Variants in TXLNB observed in about 807,000 individuals in gnomAD.
TXLNB encodes the protein taxilin beta.
TXLNB carries 37 observed loss-of-function variants against 57.4 expected under a neutral mutation model. The observed-to-expected ratio is 0.64, with a 90% CI of 0.50 to 0.85. TXLNB has a LOEUF of 0.85. Ranked by LOEUF, TXLNB falls within the 40% of genes least tolerant of loss-of-function variation. The probability of loss-of-function intolerance (pLI) is 0.00; values close to 1 mark genes in which losing one functional copy is unlikely to be tolerated. For synonymous variants in TXLNB, 302 were observed against 309.6 expected, an observed-to-expected ratio of 0.98 and a Z score of 0.26; for missense variants, 848 against 825.6, an observed-to-expected ratio of 1.03 and a Z score of -0.33.
rs752671308 is a variant in TXLNB, at chr6:139,242,877, G to T, written c.1704C>A (p.Gly568=). The part of the protein sequence containing the change: ...PLTPQAEAEG[G]SDAEPPSKAS... The stretch of plus-strand genomic sequence containing the variant: ...CCTTGGAGGGAGGTTCAGCATCACT[G>T]CCTCCTTCGGCTTCAGCCTGAGGAG... The change falls in exon 10 of 10, where the codon GGC becomes GGA. Residue 568 remains glycine (G), a synonymous_variant. Coordinates refer to ENST00000358430, the MANE Select transcript of TXLNB (RefSeq NM_153235.4). 1 of 1,614,022 alleles carries T rather than the reference G, an allele frequency of 6.2e-7. No homozygotes were observed. The highest frequency in any genetic ancestry group is 8.5e-7 in the Non-Finnish European group (1 of 1,180,028).
chr6:139,191,552 A>G, the TXLNB span, among the ~76,000 whole-genome samples: 1 of 152,254 alleles, frequency 6.6e-6, no homozygotes, highest in Non-Finnish European at 1.5e-5. Context: ...TACTAGAGAA[A>G]GTTCTATTGG....
In TXLNB at chr6:139,260,299, C is replaced by T. The variant is rs759781664; in HGVS notation, c.1002+19G>A. ...ACTGAGGTAGACCAGATATGCACAA[C>T]GACTAAAATGATAAATACATATTCC... On this transcript the variant is annotated intron_variant, in intron 6 of 9. Coordinates refer to ENST00000358430, the MANE Select transcript of TXLNB (RefSeq NM_153235.4). The T allele has an allele frequency of 8.7e-6, 14 of 1,613,414 alleles. No homozygotes were observed. Among genetic ancestry groups the T allele is most frequent in the South Asian group, 6.6e-5 (6 of 90,918 alleles).
At chr6:139,297,519 G>T in the TXLNB span, among the ~76,000 whole-genome samples, 13 of 152,176 alleles carry the variant, frequency 8.5e-5, no homozygotes, top group African/African-American at 3.1e-4. Context: ...ACCATGGGCT[G>T]AAAGGAAACA....
chr6:139,291,941 A>G lies in TXLNB; in HGVS notation c.-35T>C, dbSNP rs372141252. ...CTTACCAGAAGGCAAGAAGCTAAGC[A>G]AGAAGAGAGAGGAGAGGAAGGAGGC... On this transcript the variant is annotated 5_prime_UTR_variant, in exon 1 of 10. Coordinates refer to ENST00000358430, the MANE Select transcript of TXLNB (RefSeq NM_153235.4). 6.5e-6 allele frequency: 1 copy of G among 152,690 alleles called. No homozygotes were observed. Among genetic ancestry groups the G allele is most frequent in the East Asian group, 1.9e-4 (1 of 5,200 alleles). 9.5% of individuals were successfully genotyped at this position (152,690 alleles called of 1,614,324 possible).
the TXLNB span, among the ~76,000 whole-genome samples, chr6:139,208,061 G>T: frequency 6.6e-6 from 1 of 152,038 alleles, no homozygotes; most frequent in African/African-American, 2.4e-5. Flanking sequence ...GGATGACAGA[G>T]TGAGACTCAG....
At chr6:139,321,943 T>G in the TXLNB span, among the ~76,000 whole-genome samples, 1 of 151,466 alleles carries the variant, frequency 6.6e-6, no homozygotes, top group Admixed American at 6.6e-5. Context: ...CTCAGACTAC[T>G]CTCTTGAACT....
chr6:139,213,722 G>C, the TXLNB span, among the ~76,000 whole-genome samples: 1 of 152,202 alleles, frequency 6.6e-6, no homozygotes, highest in Non-Finnish European at 1.5e-5. Context: ...AAAATTGATA[G>C]ACCACTAGCA....
chr6:139,203,630 T>A, the TXLNB span: 1 of 152,248 alleles, frequency 6.6e-6, no homozygotes, highest in African/African-American at 2.4e-5. Context: ...TCTCATACTA[T>A]GCACCCTGTC....
the TXLNB span, chr6:139,177,782 G>C: frequency 6.6e-6 from 1 of 152,234 alleles, no homozygotes; most frequent in African/African-American, 2.4e-5. The surrounding 1 kb of genome is among the most constrained non-coding windows in gnomAD (Gnocchi z 4.9). Flanking sequence ...TATGTGAAAT[G>C]AATTTGGAAA....
At chr6:139,245,676 G>T (rs1242749681) in intron 8 of TXLNB, among the ~76,000 whole-genome samples, 2 of 152,030 alleles carry the variant, frequency 1.3e-5, no homozygotes, top group Non-Finnish European at 2.9e-5. Flanking sequence ...TTAGTTAGTA[G>T]TTTGTAAACT....
At chr6:139,271,942 C>T (rs1236977354) in intron 3 of TXLNB, 3 of 152,280 alleles carry the variant, frequency 2.0e-5, no homozygotes, top group Admixed American at 6.6e-5. Flanking sequence ...GTTCTGGTGC[C>T]TCACAGAGCC....
rs527981138 is a variant in TXLNB at position 139,285,660 on chromosome 6, T to C, written c.424+2816A>G. On this transcript the variant is annotated intron_variant, in intron 2 of 9. Coordinates refer to ENST00000358430, the MANE Select transcript of TXLNB (RefSeq NM_153235.4). ...ATTATTTAGGCCTTCTTGAAAGCAT[T>C]GTAGCAATGGGTTTTAGCATCATAG... is the stretch of plus-strand genomic sequence containing the variant. 5.5e-5 allele frequency among the ~76,000 whole-genome samples: 8 copies of C among 145,232 alleles called. 2 individuals are homozygous for C. The highest frequency in any genetic ancestry group is 3.4e-4 in the Admixed American group (5 of 14,800).
the TXLNB span, among the ~76,000 whole-genome samples, chr6:139,312,273 A>T: frequency 4.6e-5 from 7 of 152,136 alleles, no homozygotes; most frequent in Non-Finnish European, 8.8e-5. Flanking sequence ...TTAGGACATT[A>T]GACTTGAGGA....
chr6:139,164,154 A>G, the TXLNB span, among the ~76,000 whole-genome samples: 129,548 of 151,872 alleles, frequency 0.85, 56,126 homozygotes, highest in African/African-American at 0.96. Context: ...TTCTCAACCC[A>G]CAGCACCCTC....
intron 4 of TXLNB, among the ~76,000 whole-genome samples, chr6:139,266,519 T>C (rs1000050518): frequency 6.6e-6 from 1 of 152,208 alleles, no homozygotes; most frequent in East Asian, 1.9e-4. Context: ...AATGTGAAGA[T>C]AGACCAATCA....
At chr6:139,322,246 C>T in the TXLNB span, among the ~76,000 whole-genome samples, 1 of 152,020 alleles carries the variant, frequency 6.6e-6, no homozygotes, top group Non-Finnish European at 1.5e-5. Context: ...TATTTCACAC[C>T]GTCCTGGAGG....
At chr6:139,262,436 A>C (rs891902636) in intron 5 of TXLNB, 143 bp downstream of exon 5, 18 of 613,954 alleles carry the variant, frequency 2.9e-5, no homozygotes, top group Non-Finnish European at 4.4e-5. Flanking sequence ...ATCTGTCTTC[A>C]TTTTGGCTCG....
At chr6:139,302,686 G>A in the TXLNB span, among the ~76,000 whole-genome samples, 1 of 151,942 alleles carries the variant, frequency 6.6e-6, no homozygotes, top group African/African-American at 2.4e-5. Flanking sequence ...GGGAGGCTGA[G>A]GCAAGAGAAT....
chr6:139,215,166 C>T, the TXLNB span, among the ~76,000 whole-genome samples: 2 of 152,126 alleles, frequency 1.3e-5, no homozygotes, highest in Admixed American at 1.3e-4. Context: ...GCCCGCATTG[C>T]CAAGTCAATC....
Sources: gnomAD v4.1 joint callset for allele counts (sites outside exome capture counted in the v4.1 genomes callset) on GRCh38, gnomAD v4.1.1 for gene constraint, Gnocchi (gnomAD v3.1) non-coding constraint, MANE v1.5 for transcripts, NCBI Gene and HGNC (gene_info 2026-07-23, HGNC 2026-07-21) for gene names.